Variants in FLT1 observed in about 807,000 individuals in gnomAD.
FLT1 encodes the protein vascular endothelial growth factor receptor 1.
FLT1 carries 49 observed loss-of-function variants against 156.3 expected under a neutral mutation model. That is an observed-to-expected ratio of 0.31 (90% CI 0.25 to 0.40). FLT1 has a LOEUF of 0.40. Ranked by LOEUF, FLT1 falls within the 10% of genes least tolerant of loss-of-function variation. The pLI, the probability that FLT1 is intolerant of heterozygous loss-of-function variation, is 1.00. For synonymous variants in FLT1, 594 were observed against 583.8 expected, an observed-to-expected ratio of 1.02 and a Z score of -0.25; for missense variants, 1,322 against 1,637.2, an observed-to-expected ratio of 0.81 and a Z score of 3.32.
chr13:28,354,642 T>C (rs1334620043), intron 15 of FLT1, among the ~76,000 whole-genome samples: 2 of 152,270 alleles, frequency 1.3e-5, no homozygotes, highest in Non-Finnish European at 2.9e-5. Context: ...AATCATGTAA[T>C]CTATATTTTC....
intron 3 of FLT1, among the ~76,000 whole-genome samples, chr13:28,441,560 A>C (rs1329143966): frequency 1.3e-5 from 2 of 152,198 alleles, no homozygotes; most frequent in Non-Finnish European, 2.9e-5. Flanking sequence ...TATGAAAATC[A>C]CAAATTATAC....
chr13:28,473,602 G>A (rs150910212), intron 1 of FLT1, among the ~76,000 whole-genome samples: 10,786 of 150,170 alleles, frequency 0.072, 635 homozygotes, highest in Admixed American at 0.18. Flanking sequence ...CCAAGACTGC[G>A]CAATTGCACT....
chr13:28,449,617 T>C (rs1293069232), intron 3 of FLT1, among the ~76,000 whole-genome samples: 1 of 152,202 alleles, frequency 6.6e-6, no homozygotes, highest in African/African-American at 2.4e-5. Context: ...GACACTTACA[T>C]GTTACACAAA....
At chr13:28,396,703 A>G (rs1312984656) in intron 12 of FLT1, 15 of 592,012 alleles carry the variant, frequency 2.5e-5, no homozygotes, top group Non-Finnish European at 4.6e-5. Flanking sequence ...TGAGCATACA[A>G]GATTCCCAAT....
chr13:28,407,156 C>T (rs1199741597), intron 10 of FLT1, among the ~76,000 whole-genome samples: 4 of 152,100 alleles, frequency 2.6e-5, no homozygotes, highest in African/African-American at 7.2e-5. Context: ...AAGCAGGGCC[C>T]GAGCATGCCG....
At chr13:28,464,097 T>C (rs938390754) in intron 3 of FLT1, among the ~76,000 whole-genome samples, 4 of 152,208 alleles carry the variant, frequency 2.6e-5, no homozygotes, top group African/African-American at 9.6e-5. Context: ...TCAGTGCTAT[T>C]TAAAAATAGT....
At chr13:28,435,162 G>A (rs996318058) in intron 4 of FLT1, among the ~76,000 whole-genome samples, 5 of 152,194 alleles carry the variant, frequency 3.3e-5, no homozygotes, top group Admixed American at 1.3e-4. Context: ...ACTCCCAGAA[G>A]CTGAAGCTGC....
intron 14 of FLT1, among the ~76,000 whole-genome samples, chr13:28,384,189 T>G (rs1314151290): frequency 6.6e-6 from 1 of 152,142 alleles, no homozygotes; most frequent in African/African-American, 2.4e-5. Context: ...ATCCCAGCAC[T>G]TTGGGAGGCC....
At chr13:28,450,369 G>T (rs1878864912) in intron 3 of FLT1, among the ~76,000 whole-genome samples, 1 of 152,226 alleles carries the variant, frequency 6.6e-6, no homozygotes, top group Admixed American at 6.5e-5. Flanking sequence ...GTAAGATTAA[G>T]AATGTCTCAG....
At position 28,454,244 on chromosome 13, in the gene FLT1, C is replaced by G. The variant is rs1044611778; in HGVS notation, c.388+12659G>C. On this transcript the variant is annotated intron_variant, in intron 3 of 29. Coordinates refer to ENST00000282397, the MANE Select transcript of FLT1 (RefSeq NM_002019.4). ...ACACAGGGATTACTACCAATCACTA[C>G]TGCCTCCTAAGTGTTAGGCAGTCTG... 2.6e-5 allele frequency among the ~76,000 whole-genome samples: 4 copies of G among 152,346 alleles called. 1 individual carries two copies. The highest frequency in any genetic ancestry group is 2.4e-5 in the African/African-American group (1 of 41,566).
chr13:28,317,744 C>A lies in FLT1; in HGVS notation c.3287-147G>T, dbSNP rs880704. Reference sequence around the variant, plus strand: ...GGGATTACAACAGATCTCAACATACCGTACAACACACAGAGAAGCTCAGCA... The same window carrying A: ...GGGATTACAACAGATCTCAACATACAGTACAACACACAGAGAAGCTCAGCA... On this transcript the variant is annotated intron_variant, in intron 24 of 29. Coordinates refer to ENST00000282397, the MANE Select transcript of FLT1 (RefSeq NM_002019.4). The A allele has an allele frequency of 8.7e-3, 5,959 of 687,880 alleles. 253 individuals carry two copies. In the African/African-American group the frequency reaches 0.088, roughly 10 times the overall value. 42.6% of individuals were successfully genotyped at this position (687,880 alleles called of 1,614,324 possible). A position where few individuals can be genotyped will look rare whatever the true frequency, so the allele number is the denominator to read the frequency against.
intron 10 of FLT1, among the ~76,000 whole-genome samples, chr13:28,416,571 T>C (rs547543737): frequency 1.3e-5 from 2 of 152,372 alleles, no homozygotes; most frequent in South Asian, 2.1e-4. Flanking sequence ...GTAATAATTC[T>C]AGCATTTCTC....
chr13:28,440,840 CTTA>C (rs1012810209), intron 3 of FLT1, among the ~76,000 whole-genome samples: 109 of 152,220 alleles, frequency 7.2e-4, no homozygotes, highest in Non-Finnish European at 4.4e-5. Context: ...TGTTAATTTT[CTTA>C]TTATTATTAT....
rs573435167 is a variant in FLT1 at position 28,453,142 on chromosome 13, T to C, written c.388+13761A>G. Among the ~76,000 whole-genome samples the C allele has an allele frequency of 5.7e-4, 75 of 132,678 alleles. 1 individual carries two copies. Among genetic ancestry groups the C allele is most frequent in the East Asian group, 2.0e-3 (9 of 4,526 alleles). 87.0% of individuals were successfully genotyped at this position (132,678 alleles called of 152,430 possible). ...CTTTCCTTTCCTTTCCTTTCCTTTC[T>C]GACAGAGTTTCACTCTTGTTGCCCA... is the stretch of plus-strand genomic sequence containing the variant. On this transcript the variant is annotated intron_variant, in intron 3 of 29. Coordinates refer to ENST00000282397, the MANE Select transcript of FLT1 (RefSeq NM_002019.4).
chr13:28,366,094 A>T (rs1873279347), intron 14 of FLT1, among the ~76,000 whole-genome samples: 1 of 152,056 alleles, frequency 6.6e-6, no homozygotes, highest in Admixed American at 6.5e-5. Flanking sequence ...TTTTAGAAAG[A>T]AGGCAGAAAT....
intron 16 of FLT1, among the ~76,000 whole-genome samples, chr13:28,344,016 C>CCCCCG (rs1429063947): frequency 6.6e-6 from 1 of 151,228 alleles, no homozygotes; most frequent in Non-Finnish European, 1.5e-5. Context: ...TGCCCCCCAC[C>CCCCCG]ACCCGGGTCC....
intron 15 of FLT1, among the ~76,000 whole-genome samples, chr13:28,348,556 C>A (rs1289846150): frequency 6.6e-6 from 1 of 152,082 alleles, no homozygotes; most frequent in Non-Finnish European, 1.5e-5. Flanking sequence ...TCAGCTTGGG[C>A]GAATGAATGT....
At chr13:28,343,141 C>T (rs1170016342) in intron 16 of FLT1, among the ~76,000 whole-genome samples, 1 of 152,130 alleles carries the variant, frequency 6.6e-6, no homozygotes, top group African/African-American at 2.4e-5. Context: ...TGCCATCACA[C>T]CCGGCTTATT....
At chr13:28,317,351 G>C (rs551086750) in intron 25 of FLT1, 147 bp downstream of exon 25, 2 of 705,336 alleles carry the variant, frequency 2.8e-6, no homozygotes, top group South Asian at 1.5e-5. Flanking sequence ...TGGGCCTGAT[G>C]GGCTGAGGGG....
Sources: gnomAD v4.1 joint callset for allele counts (sites outside exome capture counted in the v4.1 genomes callset) on GRCh38, gnomAD v4.1.1 for gene constraint, MANE v1.5 for transcripts, NCBI Gene and HGNC (gene_info 2026-07-23, HGNC 2026-07-21) for gene names.